Variants in HPX observed in about 807,000 individuals in gnomAD.
HPX encodes beta-1B-glycoprotein.
A neutral mutation model predicts 53.8 loss-of-function variants in HPX; 42 were observed. The observed-to-expected ratio is 0.78, with a 90% confidence interval of 0.61 to 1.01. The LOEUF is 1.01. HPX is among the 50% of genes least tolerant of loss of function. The pLI is 0.00. For synonymous variants in HPX, 229 were observed against 221.1 expected, an observed-to-expected ratio of 1.04 and a Z score of -0.32; for missense variants, 547 against 594.3, an observed-to-expected ratio of 0.92 and a Z score of 0.83.
chr11:6,438,309 A>G (rs1258825032), intron 5 of HPX, 47 bp downstream of exon 5: 3 of 1,595,098 alleles, frequency 1.9e-6, no homozygotes, highest in Admixed American at 3.3e-5. Context: ...TGGCATCACT[A>G]CCAACCCACC....
chr11:6,431,992 G>A lies in HPX; in HGVS notation c.861C>T (p.Thr287=). 1.2e-6 allele frequency: 2 copies of A among 1,614,200 alleles called. No homozygotes were observed. The highest frequency in any genetic ancestry group is 1.7e-6 in the Non-Finnish European group (2 of 1,180,044). Residue 287 remains threonine, a synonymous_variant, in exon 8 of 10, where the codon ACC becomes ACT. Coordinates refer to ENST00000265983, the MANE Select transcript of HPX (RefSeq NM_000613.3). The part of the protein sequence containing the change: ...FSGTHYWRLD[T]SRDGWHSWPI... ...GCCAGCTATGCCAGCCATCCCGGCT[G>A]GTGTCCAGACGCCAGTAGTGGGTCC...
At chr11:6,437,378 A>T (rs903734259) in intron 6 of HPX, 62 bp downstream of exon 6, 2 of 1,488,670 alleles carry the variant, frequency 1.3e-6, no homozygotes, top group Admixed American at 1.7e-5. Context: ...GACACGTGAG[A>T]TCCACAAGCT....
At chr11:6,439,960 G>A in intron 4 of HPX, 1 of 646,372 alleles carries the variant, frequency 1.5e-6, no homozygotes, top group Non-Finnish European at 2.8e-6. Flanking sequence ...GACTAGGACT[G>A]AAGAACAGCC....
intron 7 of HPX, among the ~76,000 whole-genome samples, chr11:6,432,961 C>A (rs1849368306): frequency 6.6e-6 from 1 of 152,154 alleles, no homozygotes; most frequent in African/African-American, 2.4e-5. Flanking sequence ...GGTTTAGGCT[C>A]CAAATCAGCT....
In HPX at chr11:6,440,886, A is replaced by G. The variant is rs1849476147; in HGVS notation, c.78T>C (p.Leu26=). 3 of 1,613,240 alleles carry G rather than the reference A, an allele frequency of 1.9e-6. No homozygotes were observed. In the South Asian group the frequency reaches 3.3e-5, roughly 18 times the overall value. ...LCWSLAIATP[L]PPTSAHGNVA... is the part of the protein sequence containing the mutation. ...CTAGTCCCAGCTTTACTCACGGAGG[A>G]AGAGGGGTGGCAATGGCCAGAGACC... The change falls in exon 1 of 10, where the codon CTT becomes CTC. Residue 26 remains leucine (L), a synonymous_variant. Transcript: ENST00000265983.
chr11:6,434,749 G>A (rs1330767104), intron 7 of HPX, among the ~76,000 whole-genome samples: 1 of 152,234 alleles, frequency 6.6e-6, no homozygotes, highest in Non-Finnish European at 1.5e-5. Flanking sequence ...TTAATGTGGT[G>A]TGGTCTGAAA....
chr11:6,437,704 T>A (rs754506756), intron 5 of HPX, 52 bp from the exon 6 acceptor site: 12 of 1,462,432 alleles, frequency 8.2e-6, no homozygotes, highest in Non-Finnish European at 1.1e-5. Context: ...ACGCCCTCCT[T>A]TGTGCTTTCT....
chr11:6,439,041 T>C (rs1421550076), intron 4 of HPX, among the ~76,000 whole-genome samples: 3 of 151,932 alleles, frequency 2.0e-5, no homozygotes, highest in Non-Finnish European at 2.9e-5. Context: ...ACTGAGAATA[T>C]AGACAGAGTG....
In HPX at chr11:6,431,779, T is replaced by C. The variant is rs770560356; in HGVS notation, c.991A>G (p.Thr331Ala). The change falls in exon 9 of 10, where the codon ACA becomes GCA. Residue 331 changes from threonine to alanine, a missense_variant. Coordinates refer to ENST00000265983, the MANE Select transcript of HPX (RefSeq NM_000613.3). ...VQGTQVYVFL[T>A]KGGYTLVSGY... ...CTTACTAGGGTATAGCCTCCCTTTGTCAGGAAGACATATACCTGGGTGCCC... is the reference window on the plus strand; with the variant it reads ...CTTACTAGGGTATAGCCTCCCTTTGCCAGGAAGACATATACCTGGGTGCCC... The C allele has an allele frequency of 1.9e-6, 3 of 1,614,132 alleles. No homozygotes were observed. The East Asian group carries it at 6.7e-5, about 36-fold the overall frequency.
chr11:6,432,989 A>G (rs964100524), intron 7 of HPX, among the ~76,000 whole-genome samples: 2 of 152,126 alleles, frequency 1.3e-5, no homozygotes, highest in Non-Finnish European at 2.9e-5. Context: ...TGACATGCTT[A>G]TGGGGTGCCA....
Position 6,437,604 on chromosome 11 carries a change from C to T in HPX, c.539G>A (p.Arg180His), listed in dbSNP as rs576558116. 12 of 1,614,208 alleles carry T rather than the reference C, an allele frequency of 7.4e-6. No individual in the cohort carries two copies. The highest frequency in any genetic ancestry group is 2.2e-5 in the East Asian group (1 of 44,880). Reference sequence around the variant, plus strand: ...GCAGTTCCCAACAGCTGGCCAGGAACGCTCCTTCATGGTTCCCGTAGCCAA... The same window carrying T: ...GCAGTTCCCAACAGCTGGCCAGGAATGCTCCTTCATGGTTCCCGTAGCCAA... ...WDLATGTMKE[R>H]SWPAVGNCSS... Residue 180 changes from arginine (R) to histidine (H), a missense_variant, in exon 6 of 10, where the codon CGT (arginine) becomes CAT (histidine). By Grantham distance (29) the Arg-to-His change is conservative. Transcript: ENST00000265983.
intron 7 of HPX, 96 bp from the exon 8 acceptor site, chr11:6,432,113 G>C: frequency 7.9e-6 from 11 of 1,398,088 alleles, no homozygotes; most frequent in South Asian, 1.2e-5. Flanking sequence ...GAGAGGGAGA[G>C]AATGCATCCA....
intron 7 of HPX, among the ~76,000 whole-genome samples, chr11:6,434,334 T>C (rs1409023360): frequency 6.6e-6 from 1 of 152,166 alleles, no homozygotes; most frequent in Non-Finnish European, 1.5e-5. Flanking sequence ...TTTTATTTTA[T>C]TTATTTGTTT....
At chr11:6,440,835 C>T (rs1029005247) in intron 1 of HPX, 46 bp downstream of exon 1, 18 of 1,605,112 alleles carry the variant, frequency 1.1e-5, no homozygotes, top group Non-Finnish European at 1.5e-5. Flanking sequence ...CTACCTTACC[C>T]TAGCCCAGAA....
chr11:6,437,428 G>A lies in HPX; in HGVS notation c.703+12C>T. 1.9e-6 allele frequency: 3 copies of A among 1,610,326 alleles called. No individual in the cohort carries two copies. The highest frequency in any genetic ancestry group is 2.5e-6 in the Non-Finnish European group (3 of 1,177,646). On this transcript the variant is annotated intron_variant, in intron 6 of 9. Coordinates refer to ENST00000265983, the MANE Select transcript of HPX (RefSeq NM_000613.3). ...GAATTCTGACAGGTCTCAAGTGCTAGGGCTTTCTCACCTCTGCCAGGGCAG... is the reference window on the plus strand; with the variant it reads ...GAATTCTGACAGGTCTCAAGTGCTAAGGCTTTCTCACCTCTGCCAGGGCAG...
In HPX at chr11:6,431,400, A is replaced by G. The variant is rs144772717; in HGVS notation, c.1200T>C (p.His400=). The G allele has an allele frequency of 4.3e-6, 7 of 1,613,690 alleles. No individual in the cohort carries two copies. The highest frequency in any genetic ancestry group is 2.7e-5 in the African/African-American group (2 of 74,926). ...QATWTELPWP[H]EKVDGALCME... ...TACACAAGGCTCCGTCTACCTTCTC[A>G]TGGGGCCAAGGAAGCTCTGTCCACG... Residue 400 remains histidine, a synonymous_variant, in exon 10 of 10, where the codon CAT becomes CAC. Transcript: ENST00000265983.
rs1849446168 is a variant in HPX, at chr11:6,438,525, C to T, written c.337-16G>A. ...CTTTGTCCCCCTGCATTCAAAAGTA[C>T]TCTCTTTTTGACTGTGCATCCCCAG... On this transcript the variant is annotated splice_polypyrimidine_tract_variant and intron_variant, in intron 4 of 9. Transcript: ENST00000265983. 2 of 1,612,896 alleles carry T rather than the reference C, an allele frequency of 1.2e-6. No individual in the cohort carries two copies. Among genetic ancestry groups the T allele is most frequent in the Non-Finnish European group, 1.7e-6 (2 of 1,178,942 alleles).
intron 5 of HPX, 70 bp from the exon 6 acceptor site, chr11:6,437,722 C>T: frequency 8.6e-7 from 1 of 1,163,632 alleles, no homozygotes; most frequent in Middle Eastern, 1.9e-4. Flanking sequence ...TCTCTGGGTC[C>T]CAGGATGGGC....
In HPX at chr11:6,437,545, A is replaced by G. The variant is rs1849431396; in HGVS notation, c.598T>C (p.Cys200Arg). The G allele has an allele frequency of 1.9e-6, 3 of 1,614,094 alleles. No individual in the cohort carries two copies. The highest frequency in any genetic ancestry group is 1.3e-5 in the African/African-American group (1 of 74,934). The change falls in exon 6 of 10, where the codon TGC becomes CGC. Residue 200 changes from cysteine to arginine, a missense_variant. Cys to Arg is a radical substitution (Grantham distance 180). Transcript: ENST00000265983. ...SALRWLGRYY[C>R]FQGNQFLRFD... ...CGCAGGAATTGGTTACCCTGGAAGC[A>G]GTAGTAGCGGCCCAGCCATCTCAGG...
Sources: allele counts gnomAD v4.1 joint callset (sites outside exome capture counted in the v4.1 genomes callset), GRCh38; gene constraint gnomAD v4.1.1; transcripts MANE v1.5; gene names NCBI Gene and HGNC (gene_info 2026-07-23, HGNC 2026-07-21).